ZNF518A: variants seen among roughly 807,000 people sequenced by gnomAD.
The protein encoded by ZNF518A is zinc finger protein 518A, also known as zinc finger protein 518.
A neutral mutation model predicts 102.7 loss-of-function variants in ZNF518A; 47 were observed. That is an observed-to-expected ratio of 0.46 (90% confidence interval 0.36 to 0.58). The LOEUF (loss-of-function observed/expected upper bound fraction) is 0.58. Ranked by LOEUF, ZNF518A falls within the 20% of genes least tolerant of loss-of-function variation. The pLI, the probability that ZNF518A is intolerant of heterozygous loss-of-function variation, is 0.00. For missense variants in ZNF518A, 1,793 were observed against 1,699.8 expected (o/e 1.05, Z -0.96); for synonymous variants, 652 against 594.6 (o/e 1.10, Z -1.40).
intron 3 of ZNF518A, among the ~76,000 whole-genome samples, chr10:96,141,674 G>C (rs760575658): frequency 1.1e-4 from 16 of 151,886 alleles, no homozygotes; most frequent in Admixed American, 2.6e-4. Context: ...AACATTTCTA[G>C]ATCTGTATTT....
At chr10:96,191,388 A>G (rs1185314575) in intron 1 of ZNF518A, among the ~76,000 whole-genome samples, 1 of 152,036 alleles carries the variant, frequency 6.6e-6, no homozygotes, top group African/African-American at 2.4e-5. Context: ...TAGTAAGCAA[A>G]ACTAACAGCA....
At chr10:96,190,274 C>G (rs1462962528) in intron 1 of ZNF518A, 1 of 699,774 alleles carries the variant, frequency 1.4e-6, no homozygotes, top group African/African-American at 1.7e-5. Flanking sequence ...TAAACGACCA[C>G]TGCTCAAGAG....
At chr10:96,147,300 T>G (rs2082216631) in intron 3 of ZNF518A, among the ~76,000 whole-genome samples, 1 of 152,226 alleles carries the variant, frequency 6.6e-6, no homozygotes, top group African/African-American at 2.4e-5. Flanking sequence ...AGTGTGTCTT[T>G]TGATGTCAAA....
intron 1 of ZNF518A, among the ~76,000 whole-genome samples, chr10:96,177,170 A>G (rs1554891582): frequency 1.3e-5 from 2 of 152,192 alleles, no homozygotes; most frequent in African/African-American, 4.8e-5. Flanking sequence ...TGTGTTGAGA[A>G]ACAAAGATAA....
intron 3 of ZNF518A, among the ~76,000 whole-genome samples, chr10:96,141,180 G>A (rs1196299334): frequency 6.6e-6 from 1 of 152,172 alleles, no homozygotes; most frequent in Non-Finnish European, 1.5e-5. Context: ...ATGAGAAATA[G>A]TAAGTAAAAC....
intron 3 of ZNF518A, among the ~76,000 whole-genome samples, chr10:96,150,520 T>A (rs2082384661): frequency 1.3e-5 from 2 of 148,826 alleles, no homozygotes. Context: ...GGAGAGCGTT[T>A]GATTTTAAAA....
rs1554882410 is a variant in ZNF518A at position 96,156,449 on chromosome 10, T to C, written c.127T>C (p.Tyr43His). 6.2e-7 allele frequency: 1 copy of C among 1,613,260 alleles called. No homozygotes were observed. The highest frequency in any genetic ancestry group is 2.2e-5 in the East Asian group (1 of 44,846). ...PKPKISGSIH[Y>H]ALKNVKIDLP... Reference sequence around the variant, plus strand: ...ACCAAAAATTTCAGGAAGTATTCATTATGCACTAAAAAATGTGAAAATTGA... The same window carrying C: ...ACCAAAAATTTCAGGAAGTATTCATCATGCACTAAAAAATGTGAAAATTGA... The change falls in exon 6 of 6, where the codon TAT (tyrosine) becomes CAT (histidine). Residue 43 changes from tyrosine (Y) to histidine (H), a missense_variant. This residue lies in a region of ZNF518A where 1,741 missense variants were observed against 1,622.6 expected (regional missense o/e 1.07). Coordinates refer to ENST00000316045, the MANE Select transcript of ZNF518A (RefSeq NM_001330736.2).
Position 96,200,009 on chromosome 10 carries a change from A to G in ZNF518A, n.36-3565A>G. 1.0e-6 allele frequency: 1 copy of G among 1,000,778 alleles called. No individual in the cohort carries two copies. Among genetic ancestry groups the G allele is most frequent in the Non-Finnish European group, 1.3e-6 (1 of 785,896 alleles). The allele number at this position is 1,000,778 out of a possible 1,614,324, so 62.0% of individuals were successfully genotyped here. A position where few individuals can be genotyped will look rare whatever the true frequency, so the allele number is the denominator to read the frequency against. ...AGCCACTGCACTCCAGTGAAACTGCATCATCTCAAAACAAATAAATAAAAT... is the reference window on the plus strand; with the variant it reads ...AGCCACTGCACTCCAGTGAAACTGCGTCATCTCAAAACAAATAAATAAAAT... On this transcript the variant is annotated intron_variant and non_coding_transcript_variant, in intron 1 of 2. Transcript: ENST00000442635. This position sits in a 1 kb window ranked among gnomAD's most constrained non-coding sequence, Gnocchi z 4.3.
At chr10:96,150,212 T>C (rs953447777) in intron 3 of ZNF518A, among the ~76,000 whole-genome samples, 1 of 151,290 alleles carries the variant, frequency 6.6e-6, no homozygotes, top group Admixed American at 6.6e-5. Flanking sequence ...TGGGCTCCTG[T>C]AGTCCCAGCT....
At chr10:96,171,458 A>C (rs1554890889) in intron 1 of ZNF518A, among the ~76,000 whole-genome samples, 2 of 152,226 alleles carry the variant, frequency 1.3e-5, no homozygotes, top group African/African-American at 4.8e-5. Flanking sequence ...CATTCATATG[A>C]AATGTCAAGA....
chr10:96,144,831 A>G (rs1426356862), intron 3 of ZNF518A, among the ~76,000 whole-genome samples: 5 of 152,182 alleles, frequency 3.3e-5, no homozygotes, highest in African/African-American at 9.7e-5. Flanking sequence ...AAAAAATTCT[A>G]AATAACACTT....
At chr10:96,199,365 G>C (rs587619029) in intron 1 of ZNF518A, 4 of 265,336 alleles carry the variant, frequency 1.5e-5, no homozygotes, top group East Asian at 2.0e-4. Context: ...TTTTTTGTTT[G>C]TTTGTTTGTT....
In ZNF518A at chr10:96,157,341, G is replaced by A. The variant is rs587656870; in HGVS notation, c.1019G>A (p.Ser340Asn). 2.5e-6 allele frequency: 4 copies of A among 1,611,044 alleles called. No homozygotes were observed. In the East Asian group the frequency reaches 8.9e-5, roughly 36 times the overall value. The change falls in exon 6 of 6, where the codon AGT becomes AAT. Residue 340 changes from serine (S) to asparagine (N), a missense_variant. This residue lies in a region of ZNF518A where 1,741 missense variants were observed against 1,622.6 expected (regional missense o/e 1.07). Coordinates refer to ENST00000316045, the MANE Select transcript of ZNF518A (RefSeq NM_001330736.2). ...RKKINSGSDR[S>N]IEKNTQVLKK... Reference sequence around the variant, plus strand: ...AAAATTAACAGTGGAAGTGACAGAAGTATAGAAAAGAACACTCAAGTGCTT... The same window carrying A: ...AAAATTAACAGTGGAAGTGACAGAAATATAGAAAAGAACACTCAAGTGCTT...
intron 1 of ZNF518A, among the ~76,000 whole-genome samples, chr10:96,190,602 A>C (rs951768115): frequency 1.3e-5 from 2 of 152,248 alleles, no homozygotes; most frequent in Non-Finnish European, 2.9e-5. Context: ...TATCTTTAGA[A>C]GTGAGTCATG....
Position 96,157,393 on chromosome 10 carries a change from A to G in ZNF518A, c.1071A>G (p.Lys357=). ...VLKKMNKTQT[K]SEDQSHVVQE... ...AGAAAATGAACAAAACACAGACTAAATCTGAAGACCAGAGCCATGTTGTTC... is the reference window on the plus strand; with the variant it reads ...AGAAAATGAACAAAACACAGACTAAGTCTGAAGACCAGAGCCATGTTGTTC... Residue 357 remains lysine (K), a synonymous_variant, in exon 6 of 6, where the codon AAA becomes AAG. Transcript: ENST00000316045. 6.2e-7 allele frequency: 1 copy of G among 1,612,204 alleles called. No homozygotes were observed. Among genetic ancestry groups the G allele is most frequent in the Non-Finnish European group, 8.5e-7 (1 of 1,179,064 alleles).
downstream of ZNF518A, chr10:96,204,436 G>T: frequency 6.1e-6 from 8 of 1,308,276 alleles, no homozygotes; most frequent in Non-Finnish European, 8.9e-6. Flanking sequence ...TTTTTACCTA[G>T]CACTGCAAGT....
At position 96,162,046 on chromosome 10, in the gene ZNF518A, G is replaced by C. The variant is rs1393007471; in HGVS notation, c.*1272G>C. 6.0e-6 allele frequency: 1 copy of C among 166,922 alleles called. No homozygotes were observed. Among genetic ancestry groups the C allele is most frequent in the Non-Finnish European group, 1.5e-5 (1 of 68,006 alleles). The allele number at this position is 166,922 out of a possible 1,614,324, so 10.3% of individuals were successfully genotyped here. A position where few individuals can be genotyped will look rare whatever the true frequency, so the allele number is the denominator to read the frequency against. On this transcript the variant is annotated 3_prime_UTR_variant, in exon 6 of 6. Coordinates refer to ENST00000316045, the MANE Select transcript of ZNF518A (RefSeq NM_001330736.2). ...TGGTTCTTTGGATAATGGAGTTCTT[G>C]TGTTAACAAATTACGTGCTATATGA...
chr10:96,203,871 C>A, intron 2 of ZNF518A: 2 of 434,124 alleles, frequency 4.6e-6, no homozygotes, highest in South Asian at 5.8e-5. Flanking sequence ...AATATATTTA[C>A]TTTTCAAAAC....
intron 1 of ZNF518A, among the ~76,000 whole-genome samples, chr10:96,184,848 T>C (rs1399501321): frequency 5.9e-5 from 9 of 152,214 alleles, no homozygotes; most frequent in Non-Finnish European, 1.0e-4. Context: ...AATGTTGGCC[T>C]GCCTTGCTAG....
Sources: gnomAD v4.1 joint callset for allele counts (sites outside exome capture counted in the v4.1 genomes callset) on GRCh38, gnomAD v4.1.1 for gene constraint, gnomAD v4.1.1 regional missense constraint, Gnocchi (gnomAD v3.1) non-coding constraint, MANE v1.5 for transcripts, NCBI Gene and HGNC (gene_info 2026-07-23, HGNC 2026-07-21) for gene names.